MSRB3: variants seen among roughly 807,000 people sequenced by gnomAD.
The protein encoded by MSRB3 is methionine-R-sulfoxide reductase B3.
In MSRB3, 13 loss-of-function variants were observed where a neutral mutation model predicts 21.0. The observed-to-expected ratio is 0.62, with a 90% CI of 0.40 to 0.98. MSRB3 has a LOEUF of 0.98. MSRB3 is among the 50% of genes least tolerant of loss of function. The pLI, the probability that MSRB3 is intolerant of heterozygous loss-of-function variation, is 0.00. For missense variants in MSRB3, 199 were observed against 230.3 expected, an observed-to-expected ratio of 0.86 and a Z score of 0.88; for synonymous variants, 87 against 88.6, an observed-to-expected ratio of 0.98 and a Z score of 0.10.
At chr12:65,356,015 A>G (rs542638300) in intron 4 of MSRB3, among the ~76,000 whole-genome samples, 2 of 152,002 alleles carry the variant, frequency 1.3e-5, no homozygotes, top group East Asian at 3.9e-4. Flanking sequence ...ACTATGACTT[A>G]ATGAATGTTT....
At chr12:65,279,160 C>G in intron 1 of MSRB3, 3 of 1,040,000 alleles carry the variant, frequency 2.9e-6, no homozygotes, top group Non-Finnish European at 3.8e-6. Context: ...AACCTGAACC[C>G]GCGGGAGCCT....
At chr12:65,432,261 T>G (rs563443090) in intron 5 of MSRB3, among the ~76,000 whole-genome samples, 54 of 152,162 alleles carry the variant, frequency 3.5e-4, no homozygotes, top group Admixed American at 9.8e-4. Flanking sequence ...GTCCTTGGAA[T>G]GTAGCACACA....
chr12:65,302,930 G>T (rs1873424507), intron 1 of MSRB3, among the ~76,000 whole-genome samples: 2 of 152,126 alleles, frequency 1.3e-5, no homozygotes, highest in Admixed American at 6.5e-5. Flanking sequence ...CTACTTAAAA[G>T]AATGTTTTTT....
At chr12:65,363,036 T>G (rs922993011) in intron 4 of MSRB3, among the ~76,000 whole-genome samples, 4 of 152,194 alleles carry the variant, frequency 2.6e-5, no homozygotes, top group Non-Finnish European at 5.9e-5. Context: ...ATTCTTGCTG[T>G]AGAGTTGCCA....
At chr12:65,442,283 C>T (rs750067386) in intron 5 of MSRB3, among the ~76,000 whole-genome samples, 59 of 151,952 alleles carry the variant, frequency 3.9e-4, no homozygotes, top group Non-Finnish European at 6.0e-4. Flanking sequence ...AGTAATCTTA[C>T]ATTTTCATCA....
intron 1 of MSRB3, among the ~76,000 whole-genome samples, chr12:65,290,393 T>C (rs996666304): frequency 5.3e-5 from 8 of 152,218 alleles, no homozygotes; most frequent in Non-Finnish European, 7.3e-5. Flanking sequence ...GTCTTTTCTT[T>C]TAATTATGCC....
At chr12:65,278,946 G>A in intron 1 of MSRB3, 81 bp downstream of exon 1, 1 of 1,526,730 alleles carries the variant, frequency 6.5e-7, no homozygotes, top group Non-Finnish European at 8.8e-7. Flanking sequence ...GTGACCCCGA[G>A]CCGGGATTCC....
chr12:65,402,766 T>C (rs1880200638), intron 5 of MSRB3, among the ~76,000 whole-genome samples: 1 of 152,222 alleles, frequency 6.6e-6, no homozygotes, highest in Non-Finnish European at 1.5e-5. Flanking sequence ...ACCTTTGATG[T>C]TGGTGACCTT....
At chr12:65,376,362 G>A (rs945398543) in intron 5 of MSRB3, among the ~76,000 whole-genome samples, 5 of 151,992 alleles carry the variant, frequency 3.3e-5, no homozygotes, top group Admixed American at 2.6e-4. Flanking sequence ...CTCGTGATCC[G>A]CCCGCCTCGG....
intron 5 of MSRB3, among the ~76,000 whole-genome samples, chr12:65,389,334 T>A (rs891258798): frequency 3.3e-5 from 5 of 152,184 alleles, no homozygotes; most frequent in Non-Finnish European, 7.3e-5. Flanking sequence ...CATTTTTTTT[T>A]AATTGAGACT....
At chr12:65,434,324 A>G (rs765333831) in intron 5 of MSRB3, among the ~76,000 whole-genome samples, 3 of 151,832 alleles carry the variant, frequency 2.0e-5, no homozygotes, top group Non-Finnish European at 4.4e-5. Flanking sequence ...TTTGGCTGAG[A>G]TCTGCCCGTC....
chr12:65,437,828 C>T lies in MSRB3; in HGVS notation c.293-15900C>T, dbSNP rs547548140. Among the ~76,000 whole-genome samples, 6 of 152,024 alleles carry T rather than the reference C, an allele frequency of 3.9e-5. No individual in the cohort carries two copies. In the East Asian group the frequency reaches 1.2e-3, roughly 29 times the overall value. On this transcript the variant is annotated intron_variant, in intron 5 of 6. Transcript: ENST00000308259. ...ATGCTCCATTCCTGATCAGTTGGAT[C>T]TGAGAGATTTTTGCTAGAAGTTTTG...
At chr12:65,384,515 G>A (rs941953026) in intron 5 of MSRB3, among the ~76,000 whole-genome samples, 3 of 152,108 alleles carry the variant, frequency 2.0e-5, no homozygotes, top group African/African-American at 7.2e-5. Context: ...ATTAATGACT[G>A]AAGAAGATTA....
chr12:65,457,740 A>G (rs1228145143), intron 6 of MSRB3, among the ~76,000 whole-genome samples: 1 of 150,124 alleles, frequency 6.7e-6, no homozygotes, highest in Non-Finnish European at 1.5e-5. Flanking sequence ...AAGAAATTAA[A>G]CAAATTTACA....
chr12:65,357,837 A>G (rs538676153), intron 4 of MSRB3, among the ~76,000 whole-genome samples: 17 of 152,096 alleles, frequency 1.1e-4, no homozygotes, highest in African/African-American at 4.1e-4. Flanking sequence ...ATCACATCAT[A>G]TTAAAGGTAT....
At chr12:65,454,030 T>A (rs1037492146) in intron 6 of MSRB3, 42 of 666,430 alleles carry the variant, frequency 6.3e-5, no homozygotes, top group Non-Finnish European at 1.1e-4. Context: ...AAGCCTGTAA[T>A]CCCATACTTT....
At chr12:65,302,853 C>T (rs76061262) in intron 1 of MSRB3, among the ~76,000 whole-genome samples, 2,476 of 152,058 alleles carry the variant, frequency 0.016, 50 homozygotes, top group East Asian at 0.056. Context: ...GATGAAGTTT[C>T]TTCTGTTTAT....
chr12:65,438,673 A>G (rs910991519), intron 5 of MSRB3, among the ~76,000 whole-genome samples: 2 of 151,872 alleles, frequency 1.3e-5, no homozygotes, highest in Non-Finnish European at 2.9e-5. Context: ...GGAAAATGAG[A>G]GTTTTCCAAA....
intron 4 of MSRB3, among the ~76,000 whole-genome samples, chr12:65,351,287 A>G (rs1218056064): frequency 6.7e-6 from 1 of 149,888 alleles, no homozygotes; most frequent in Non-Finnish European, 1.5e-5. Context: ...ACAACATACC[A>G]GAATCTCTGG....
Sources: allele counts gnomAD v4.1 joint callset (sites outside exome capture counted in the v4.1 genomes callset), GRCh38; gene constraint gnomAD v4.1.1; transcripts MANE v1.5; gene names NCBI Gene and HGNC (gene_info 2026-07-23, HGNC 2026-07-21).